Variants in CA2 observed in about 807,000 individuals in gnomAD.
CA2 encodes the protein carbonic anhydrase 2.
In CA2, 23 loss-of-function variants were observed where a neutral mutation model predicts 27.8. The ratio of observed to expected loss-of-function variants is 0.83; its 90% CI spans 0.59 to 1.17. CA2 has a LOEUF of 1.17. Ranked by LOEUF, CA2 falls within the 50% of genes most tolerant of loss-of-function variation. The pLI is 0.00. For synonymous variants in CA2, 99 were observed against 114.9 expected, an observed-to-expected ratio of 0.86 and a Z score of 0.88; for missense variants, 300 against 314.7, an observed-to-expected ratio of 0.95 and a Z score of 0.35.
intron 2 of CA2, among the ~76,000 whole-genome samples, chr8:85,471,638 T>A (rs1442555603): frequency 6.6e-6 from 1 of 152,140 alleles, no homozygotes; most frequent in African/African-American, 2.4e-5. Context: ...TTTAGTTAGT[T>A]AGTTTTACCA....
intron 6 of CA2, among the ~76,000 whole-genome samples, chr8:85,479,821 C>T (rs550366815): frequency 6.6e-6 from 1 of 152,258 alleles, no homozygotes; most frequent in African/African-American, 2.4e-5. Context: ...AAATCCATAG[C>T]ATGAGATAAA....
At chr8:85,473,635 A>G in intron 2 of CA2, 58 bp from the exon 3 acceptor site, 2 of 804,350 alleles carry the variant, frequency 2.5e-6, no homozygotes, top group Non-Finnish European at 4.4e-6. Flanking sequence ...ACCTATGTAT[A>G]TATGTGTATG....
chr8:85,464,037 C>T lies in CA2; in HGVS notation c.-45C>T, dbSNP rs1024891279. On this transcript the variant is annotated 5_prime_UTR_variant, in exon 1 of 7. Transcript: ENST00000285379. ...GTGCAGGCGCCCAAGCCGCCGCCGC[C>T]AGATCGGTGCCGATTCCTGCCCTGC... The T allele has an allele frequency of 5.2e-6, 8 of 1,538,754 alleles. No individual in the cohort carries two copies. In the Admixed American group the frequency reaches 1.4e-4, roughly 26 times the overall value.
intron 6 of CA2, 60 bp from the exon 7 acceptor site, chr8:85,480,610 A>T: frequency 6.5e-7 from 1 of 1,534,290 alleles, no homozygotes; most frequent in Non-Finnish European, 9.0e-7. Flanking sequence ...ATATAACACA[A>T]GTATATAACT....
At chr8:85,477,047 G>A (rs1811811545) in intron 5 of CA2, 73 bp from the exon 6 acceptor site, 1 of 1,480,470 alleles carries the variant, frequency 6.8e-7, no homozygotes, top group Non-Finnish European at 9.4e-7. Context: ...ACCTATTTGT[G>A]TCTGCTGCTC....
intron 2 of CA2, among the ~76,000 whole-genome samples, chr8:85,471,573 T>G (rs1398993339): frequency 6.6e-6 from 1 of 152,042 alleles, no homozygotes; most frequent in Non-Finnish European, 1.5e-5. Flanking sequence ...GATTCTTCAC[T>G]GGGGGGAAAG....
At chr8:85,464,511 G>A (rs1811589780) in intron 1 of CA2, 1 of 177,266 alleles carries the variant, frequency 5.6e-6, no homozygotes, top group Non-Finnish European at 1.2e-5. Context: ...TGATCGCAGA[G>A]AAATTAAGAG....
At chr8:85,477,598 C>A (rs1811823558) in intron 6 of CA2, among the ~76,000 whole-genome samples, 1 of 148,336 alleles carries the variant, frequency 6.7e-6, no homozygotes, top group East Asian at 2.0e-4. Flanking sequence ...AGTGAGAGTT[C>A]ATATTCAAGG....
chr8:85,465,530 A>G (rs1811616362), intron 2 of CA2, 61 bp downstream of exon 2: 16 of 1,365,798 alleles, frequency 1.2e-5, no homozygotes, highest in Non-Finnish European at 1.3e-5. Context: ...AGCTTAATGG[A>G]AGGAGCCAGG....
intron 1 of CA2, chr8:85,464,347 C>G (rs1046537796): frequency 6.7e-6 from 3 of 447,082 alleles, no homozygotes; most frequent in Non-Finnish European, 1.2e-5. Context: ...GAGGAATCCC[C>G]GCGTCCGCCG....
intron 6 of CA2, among the ~76,000 whole-genome samples, 198 bp downstream of exon 6, chr8:85,477,473 C>T (rs1030974480): frequency 6.0e-5 from 9 of 151,130 alleles, no homozygotes; most frequent in South Asian, 2.1e-4. Flanking sequence ...AAACTTAGTT[C>T]GTTTAGTCTC....
At chr8:85,468,289 G>A (rs1234959324) in intron 2 of CA2, among the ~76,000 whole-genome samples, 1 of 146,574 alleles carries the variant, frequency 6.8e-6, no homozygotes. Context: ...AAGGCAAGAA[G>A]GTATACTAAA....
chr8:85,466,273 C>G (rs1486225422), intron 2 of CA2, among the ~76,000 whole-genome samples: 1 of 151,556 alleles, frequency 6.6e-6, no homozygotes, highest in Non-Finnish European at 1.5e-5. Flanking sequence ...TTGCCAGTGC[C>G]CTATTTTCCT....
In CA2 at chr8:85,464,187, A is replaced by T. The variant is rs1279593688; in HGVS notation, c.34+72A>T. On this transcript the variant is annotated intron_variant, in intron 1 of 6. Coordinates refer to ENST00000285379, the MANE Select transcript of CA2 (RefSeq NM_000067.3). ...CCCGATCCCCGATCCCCGAGCCCGGATGCCGGCCCGGGGCCCGCAGCGCCC... is the reference window on the plus strand; with the variant it reads ...CCCGATCCCCGATCCCCGAGCCCGGTTGCCGGCCCGGGGCCCGCAGCGCCC... The T allele has an allele frequency of 3.5e-6, 5 of 1,410,242 alleles. 1 individual carries two copies. Among genetic ancestry groups the T allele is most frequent in the Middle Eastern group, 3.7e-4 (2 of 5,382 alleles). The allele number at this position is 1,410,242 out of a possible 1,614,324, so 87.4% of individuals were successfully genotyped here.
Position 85,473,780 on chromosome 8 carries a change from A to C in CA2, c.320A>C (p.His107Pro), listed in dbSNP as rs776928665. 1.2e-6 allele frequency: 2 copies of C among 1,602,532 alleles called. No individual in the cohort carries two copies. The highest frequency in any genetic ancestry group is 2.2e-5 in the East Asian group (1 of 44,778). The change falls in exon 3 of 7, where the codon CAT becomes CCT. Residue 107 changes from histidine to proline, a missense_variant. His to Pro is a moderately conservative substitution (Grantham distance 77, BLOSUM62 -2). Transcript: ENST00000285379. ...WGSLDGQGSE[H>P]TVDKKKYAAE... ...TCACTTGATGGACAAGGTTCAGAGCATACTGTGGATAAAAAGAAATATGCT... is the reference window on the plus strand; with the variant it reads ...TCACTTGATGGACAAGGTTCAGAGCCTACTGTGGATAAAAAGAAATATGCT...
chr8:85,479,353 G>C (rs1033553076), intron 6 of CA2, among the ~76,000 whole-genome samples: 2 of 152,292 alleles, frequency 1.3e-5, no homozygotes, highest in Non-Finnish European at 2.9e-5. Context: ...CTGTTGTAAC[G>C]AATCAACCCT....
In CA2 at chr8:85,480,865, G is replaced by T; in HGVS notation, c.*76G>T. On this transcript the variant is annotated 3_prime_UTR_variant, in exon 7 of 7. Coordinates refer to ENST00000285379, the MANE Select transcript of CA2 (RefSeq NM_000067.3). ...TAGCTAAGCACAGATCTACCTTGGT[G>T]ATTTGGACCCTGGTTGCTTTGTGTC... The T allele has an allele frequency of 6.6e-7, 1 of 1,515,052 alleles. No individual in the cohort carries two copies. The highest frequency in any genetic ancestry group is 9.1e-7 in the Non-Finnish European group (1 of 1,094,368). The allele number at this position is 1,515,052 out of a possible 1,614,324, so 93.9% of individuals were successfully genotyped here.
rs1224304138 is a variant in CA2, at chr8:85,480,851, A to T, written c.*62A>T. ...CGGGTGTTTCCCTTTAGCTAAGCAC[A>T]GATCTACCTTGGTGATTTGGACCCT... is the stretch of plus-strand genomic sequence containing the variant. On this transcript the variant is annotated 3_prime_UTR_variant, in exon 7 of 7. Coordinates refer to ENST00000285379, the MANE Select transcript of CA2 (RefSeq NM_000067.3). 1.3e-6 allele frequency: 2 copies of T among 1,582,124 alleles called. No homozygotes were observed. Among genetic ancestry groups the T allele is most frequent in the African/African-American group, 2.7e-5 (2 of 74,094 alleles).
At chr8:85,472,854 G>A (rs188776718) in intron 2 of CA2, among the ~76,000 whole-genome samples, 1 of 151,858 alleles carries the variant, frequency 6.6e-6, no homozygotes, top group Non-Finnish European at 1.5e-5. Context: ...AACTGGACAT[G>A]GTGGTGCACA....
Sources: gnomAD v4.1 joint callset for allele counts (sites outside exome capture counted in the v4.1 genomes callset) on GRCh38, gnomAD v4.1.1 for gene constraint, MANE v1.5 for transcripts, NCBI Gene and HGNC (gene_info 2026-07-23, HGNC 2026-07-21) for gene names.